Variants in C2orf74 observed in about 807,000 individuals in gnomAD.
The protein encoded by C2orf74 is uncharacterized protein C2orf74.
C2orf74 carries 14 observed loss-of-function variants against 17.9 expected under a neutral mutation model. That is an observed-to-expected ratio of 0.78 (90% CI 0.52 to 1.22). The LOEUF (loss-of-function observed/expected upper bound fraction) is 1.22, where lower values mean the gene tolerates loss of function less well. Among genes scored for constraint, C2orf74 ranks in the 50% most tolerant of loss-of-function variants. The pLI, the probability that C2orf74 is intolerant of heterozygous loss-of-function variation, is 0.00. For synonymous variants in C2orf74, 79 were observed against 72.6 expected (o/e 1.09, Z -0.44); for missense variants, 217 against 218.4 (o/e 0.99, Z 0.04).
At chr2:61,146,510 TAA>T (rs1685073572) in intron 1 of C2orf74, among the ~76,000 whole-genome samples, 1 of 152,124 alleles carries the variant, frequency 6.6e-6, no homozygotes, top group African/African-American at 2.4e-5. Context: ...AACACTACAA[TAA>T]CTTTTTTTAA....
chr2:61,164,436 T>G lies in C2orf74; in HGVS notation c.473T>G (p.Val158Gly). The G allele has an allele frequency of 6.4e-7, 1 of 1,551,100 alleles. No individual in the cohort carries two copies. The highest frequency in any genetic ancestry group is 8.7e-7 in the Non-Finnish European group (1 of 1,146,788). The change falls in exon 5 of 5, where the codon GTG (valine) becomes GGG (glycine). Residue 158 changes from valine to glycine, a missense_variant. Val to Gly is a moderately radical substitution (Grantham distance 109, BLOSUM62 -3). Transcript: ENST00000432605. ...AGCCAAAAAAGACCTTTAAAAGGAG[T>G]GACATTTTCTAGGGAGGTAATTGTT... ...VESQKRPLKG[V>G]TFSREVIVVD... is the part of the protein sequence containing the mutation.
Position 61,164,419 on chromosome 2 carries a change from A to T in C2orf74, c.456A>T (p.Lys152Asn). The change falls in exon 5 of 5, where the codon AAA becomes AAT. Residue 152 changes from lysine to asparagine, a missense_variant. Transcript: ENST00000432605. ...TRTPSVVESQ[K>N]RPLKGVTFSR... ...CTCCTTCAGTTGTTGAAAGCCAAAA[A>T]AGACCTTTAAAAGGAGTGACATTTT... is the stretch of plus-strand genomic sequence containing the variant. 6.4e-7 allele frequency: 1 copy of T among 1,551,104 alleles called. No individual in the cohort carries two copies. Among genetic ancestry groups the T allele is most frequent in the South Asian group, 1.2e-5 (1 of 83,902 alleles).
At chr2:61,159,218 A>C (rs1462206439), upstream of C2orf74, 1 of 274,818 alleles carries the variant, frequency 3.6e-6, no homozygotes, top group Non-Finnish European at 7.3e-6. Context: ...GGATGGCCTC[A>C]ATCTCCTGAC....
chr2:61,161,759 C>G (rs995273074), upstream of C2orf74: 2 of 152,466 alleles, frequency 1.3e-5, no homozygotes, highest in Non-Finnish European at 2.9e-5. Context: ...AGTGTTCCCT[C>G]TTCAATTTTT....
upstream of C2orf74, chr2:61,157,763 G>C (rs944494981): frequency 9.4e-6 from 4 of 424,024 alleles, no homozygotes; most frequent in African/African-American, 4.1e-5. Flanking sequence ...CCTGAGTCCT[G>C]TGTCCACTGC....
rs17006627 is a variant in C2orf74 at position 61,162,474 on chromosome 2, G to C, written c.-41G>C. On this transcript the variant is annotated 5_prime_UTR_variant, in exon 2 of 5. Coordinates refer to ENST00000432605, the MANE Select transcript of C2orf74 (RefSeq NM_001143959.4). ...TGAGCTGGAAAAGAATATTTGGACAGTCTGTGATTGTGAGAGTGGATGAGT... is the reference window on the plus strand; with the variant it reads ...TGAGCTGGAAAAGAATATTTGGACACTCTGTGATTGTGAGAGTGGATGAGT... The C allele has an allele frequency of 0.18, 259,244 of 1,402,424 alleles. 25,757 individuals carry two copies. Among genetic ancestry groups the C allele is most frequent in the African/African-American group, 0.22 (15,060 of 68,860 alleles). The allele number at this position is 1,402,424 out of a possible 1,614,324, so 86.9% of individuals were successfully genotyped here. A position where few individuals can be genotyped will look rare whatever the true frequency, so the allele number is the denominator to read the frequency against.
chr2:61,163,138 C>A lies in C2orf74; in HGVS notation c.296C>A (p.Pro99His). 6.4e-7 allele frequency: 1 copy of A among 1,552,040 alleles called. No individual in the cohort carries two copies. The highest frequency in any genetic ancestry group is 8.7e-7 in the Non-Finnish European group (1 of 1,147,054). Residue 99 changes from proline (P) to histidine (H), a missense_variant, in exon 4 of 5, where the codon CCC becomes CAC. Coordinates refer to ENST00000432605, the MANE Select transcript of C2orf74 (RefSeq NM_001143959.4). ...QRQSKEVLATPLENRRDMEAE... is the reference protein window; with the variant it reads ...QRQSKEVLATHLENRRDMEAE... ...CAGAGTAAGGAAGTGTTGGCCACACCCTTAGAAAACAGAAGGGACATGGAG... is the reference window on the plus strand; with the variant it reads ...CAGAGTAAGGAAGTGTTGGCCACACACTTAGAAAACAGAAGGGACATGGAG...
chr2:61,163,398 C>G (rs1001938037), intron 4 of C2orf74, among the ~76,000 whole-genome samples, 166 bp downstream of exon 4: 1 of 152,114 alleles, frequency 6.6e-6, no homozygotes, highest in South Asian at 2.1e-4. Context: ...CACGAGGGCA[C>G]ATCGAGACCA....
At chr2:61,146,042 AAT>A (rs1406300953) in intron 1 of C2orf74, among the ~76,000 whole-genome samples, 8 of 152,244 alleles carry the variant, frequency 5.3e-5, no homozygotes, top group Non-Finnish European at 1.2e-4. Context: ...CACTTTGGGG[AAT>A]TTTGCCTCCA....
chr2:61,147,148 A>G (rs1729656), intron 1 of C2orf74, among the ~76,000 whole-genome samples: 64,881 of 151,428 alleles, frequency 0.43, 14,178 homozygotes, highest in Middle Eastern at 0.5. Context: ...CAGCCTAGGC[A>G]ACAGAGGAAG....
chr2:61,157,430 G>A (rs541616426), upstream of C2orf74, among the ~76,000 whole-genome samples: 1 of 152,240 alleles, frequency 6.6e-6, no homozygotes, highest in African/African-American at 2.4e-5. Flanking sequence ...AGAAGAGGAG[G>A]CAGTGTGATG....
chr2:61,148,690 T>C (rs1685138958), intron 1 of C2orf74, among the ~76,000 whole-genome samples: 1 of 152,210 alleles, frequency 6.6e-6, no homozygotes, highest in South Asian at 2.1e-4. Context: ...TCTGAGTACA[T>C]GTCCTTTGTA....
chr2:61,149,802 C>T (rs1685174623), intron 1 of C2orf74, among the ~76,000 whole-genome samples: 2 of 152,036 alleles, frequency 1.3e-5, no homozygotes, highest in South Asian at 4.1e-4. Flanking sequence ...TGGTCTCGAA[C>T]TCCTGACCTC....
intron 2 of C2orf74, 88 bp downstream of exon 2, chr2:61,162,697 A>T: frequency 9.3e-7 from 1 of 1,076,098 alleles, no homozygotes. Flanking sequence ...TTAAAACAGA[A>T]CAAGTAATGA....
At chr2:61,145,619 C>T (rs1685046759) in intron 1 of C2orf74, among the ~76,000 whole-genome samples, 1 of 152,092 alleles carries the variant, frequency 6.6e-6, no homozygotes, top group South Asian at 2.1e-4. Flanking sequence ...AGATGGGGTT[C>T]ACCATGTTGG....
intron 1 of C2orf74, among the ~76,000 whole-genome samples, chr2:61,151,205 A>G (rs1380436887): frequency 6.0e-5 from 9 of 151,028 alleles, no homozygotes; most frequent in Admixed American, 2.0e-4. Context: ...AATCCCAGCT[A>G]CTTGGGAGGC....
chr2:61,148,318 C>A (rs1164768686), intron 1 of C2orf74, among the ~76,000 whole-genome samples: 2 of 151,676 alleles, frequency 1.3e-5, no homozygotes, highest in Admixed American at 1.3e-4. Flanking sequence ...TCCTGAGTAG[C>A]TGGGATTACA....
chr2:61,149,904 C>G (rs995013221), intron 1 of C2orf74, among the ~76,000 whole-genome samples: 1 of 151,968 alleles, frequency 6.6e-6, no homozygotes, highest in Non-Finnish European at 1.5e-5. Context: ...GATGGGGGAG[C>G]CCAAAAGAGG....
chr2:61,161,261 T>C (rs1685556115), upstream of C2orf74, among the ~76,000 whole-genome samples: 1 of 152,222 alleles, frequency 6.6e-6, no homozygotes, highest in Admixed American at 6.5e-5. Flanking sequence ...TTTGTTGTTG[T>C]TGAGTTGTAG....
Sources: allele counts gnomAD v4.1 joint callset (sites outside exome capture counted in the v4.1 genomes callset), GRCh38; gene constraint gnomAD v4.1.1; transcripts MANE v1.5; gene names NCBI Gene and HGNC (gene_info 2026-07-23, HGNC 2026-07-21).